The following THBS4 variants were observed in gnomAD, a reference collection of about 807,000 sequenced individuals.
The protein encoded by THBS4 is thrombospondin-4.
In THBS4, 90 loss-of-function variants were observed where a neutral mutation model predicts 115.7. The ratio of observed to expected loss-of-function variants is 0.78; its 90% confidence interval spans 0.66 to 0.93. The LOEUF (loss-of-function observed/expected upper bound fraction) is 0.93, where lower values mean the gene tolerates loss of function less well. Among genes scored for constraint, THBS4 ranks in the 40% least tolerant of loss-of-function variants. The probability of loss-of-function intolerance (pLI) is 0.00; values close to 1 mark genes in which losing one functional copy is unlikely to be tolerated. For missense variants in THBS4, 1,087 were observed against 1,232.7 expected, an observed-to-expected ratio of 0.88 and a Z score of 1.77; for synonymous variants, 460 against 479.3, an observed-to-expected ratio of 0.96 and a Z score of 0.53.
chr5:80,051,420 T>C (rs1440841792), intron 2 of THBS4, among the ~76,000 whole-genome samples: 1 of 152,180 alleles, frequency 6.6e-6, no homozygotes, highest in Non-Finnish European at 1.5e-5. Flanking sequence ...GAGTATTGGA[T>C]CAAGTGTGAA....
intron 2 of THBS4, among the ~76,000 whole-genome samples, 167 bp downstream of exon 2, chr5:80,040,447 C>CGGG (rs60660392): frequency 1.2e-5 from 1 of 85,994 alleles, no homozygotes. Context: ...CCTATATTGG[C>CGGG]GGGGGGGTGG....
At chr5:80,075,257 C>G (rs1311320903) in intron 15 of THBS4, 1 of 152,166 alleles carries the variant, frequency 6.6e-6, no homozygotes, top group Non-Finnish European at 1.5e-5. Context: ...ACTGTACTAG[C>G]TAAGTGAACT....
At chr5:79,995,050 A>G (rs976463142) in intron 1 of THBS4, among the ~76,000 whole-genome samples, 1 of 152,254 alleles carries the variant, frequency 6.6e-6, no homozygotes, top group Non-Finnish European at 1.5e-5. Flanking sequence ...GACTATGGCA[A>G]GGAATCTGAA....
At position 80,061,676 on chromosome 5, in the gene THBS4, T is replaced by A. The variant is rs777301208; in HGVS notation, c.988-19T>A. On this transcript the variant is annotated intron_variant, in intron 7 of 21. Transcript: ENST00000350881. ...GTTTTCTCGGTGTGGCTAAAGACTT[T>A]GAACTTTTTTGTCTCCAGTGCAAAT... 1.3e-6 allele frequency: 2 copies of A among 1,596,070 alleles called. No homozygotes were observed. Among genetic ancestry groups the A allele is most frequent in the Non-Finnish European group, 1.7e-6 (2 of 1,168,972 alleles).
intron 1 of THBS4, among the ~76,000 whole-genome samples, chr5:80,038,186 G>A (rs1263853091): frequency 6.6e-6 from 1 of 152,050 alleles, no homozygotes; most frequent in African/African-American, 2.4e-5. Context: ...AAGAAAAGAG[G>A]AAATTTAAAA....
chr5:80,080,221 G>T (rs1261278572), intron 20 of THBS4, 144 bp downstream of exon 20: 12 of 995,116 alleles, frequency 1.2e-5, no homozygotes, highest in Non-Finnish European at 1.6e-5. Flanking sequence ...GCAGGATGGG[G>T]AACCTAGAAA....
At chr5:80,037,280 A>G (rs1375904951) in intron 1 of THBS4, among the ~76,000 whole-genome samples, 2 of 152,148 alleles carry the variant, frequency 1.3e-5, no homozygotes, top group African/African-American at 4.8e-5. Context: ...GTTGCTGTAG[A>G]TGATCTGATT....
chr5:80,065,934 T>C (rs1561319902), intron 9 of THBS4, among the ~76,000 whole-genome samples: 1 of 151,908 alleles, frequency 6.6e-6, no homozygotes, highest in Non-Finnish European at 1.5e-5. Context: ...CTACTAAAAA[T>C]AGAAAACAAA....
chr5:80,036,407 T>C (rs567157680), intron 1 of THBS4, among the ~76,000 whole-genome samples: 3 of 152,160 alleles, frequency 2.0e-5, no homozygotes, highest in Admixed American at 6.5e-5. Flanking sequence ...AAACTACCAA[T>C]TGGGTACTAC....
At position 80,070,773 on chromosome 5, in the gene THBS4, C is replaced by G. The variant is rs574204150; in HGVS notation, c.1560+23C>G. On this transcript the variant is annotated intron_variant, in intron 12 of 21. Transcript: ENST00000350881. ...CAGGTACCTGCTTCGCTGGGAGGGCCTGTGAATTGCCACGTACCAGGGATG... is the reference window on the plus strand; with the variant it reads ...CAGGTACCTGCTTCGCTGGGAGGGCGTGTGAATTGCCACGTACCAGGGATG... The G allele has an allele frequency of 2.5e-6, 4 of 1,608,912 alleles. No individual in the cohort carries two copies. The African/African-American group carries it at 5.3e-5, about 21-fold the overall frequency.
At chr5:79,996,931 A>G (rs1488602260) in intron 1 of THBS4, among the ~76,000 whole-genome samples, 2 of 152,180 alleles carry the variant, frequency 1.3e-5, no homozygotes, top group African/African-American at 2.4e-5. Context: ...TAATATACCA[A>G]TAGACTGTGA....
At chr5:80,019,556 T>A (rs1398133555) in intron 2 of THBS4, 1 of 152,258 alleles carries the variant, frequency 6.6e-6, no homozygotes, top group African/African-American at 2.4e-5. Context: ...GGGTAAAGTG[T>A]CCTGTGCTTA....
intron 2 of THBS4, among the ~76,000 whole-genome samples, chr5:80,049,912 A>T (rs1056787153): frequency 6.6e-6 from 1 of 152,226 alleles, no homozygotes; most frequent in African/African-American, 2.4e-5. Context: ...TAAAGTAGGA[A>T]GGGGAGTCAG....
Position 80,058,244 on chromosome 5 carries a change from A to G in THBS4, c.579A>G (p.Ser193=), listed in dbSNP as rs573379741. ...AGCTGAAGCTGGTGGTGAGAGGCTC[A>G]CTGTTCCAGGTGGCCAGCCTGCAAG... The part of the protein sequence containing the change: ...LEELKLVVRG[S]LFQVASLQDC... Residue 193 remains serine, a synonymous_variant, in exon 4 of 22, where the codon TCA becomes TCG. Coordinates refer to ENST00000350881, the MANE Select transcript of THBS4 (RefSeq NM_003248.6). 18 of 1,579,146 alleles carry G rather than the reference A, an allele frequency of 1.1e-5. No homozygotes were observed. The highest frequency in any genetic ancestry group is 1.8e-5 in the Admixed American group (1 of 55,742).
chr5:79,998,711 T>C (rs1029063745), intron 2 of THBS4, among the ~76,000 whole-genome samples: 1 of 152,192 alleles, frequency 6.6e-6, no homozygotes, highest in Non-Finnish European at 1.5e-5. Flanking sequence ...CTATACTTAA[T>C]TGAAATTAGA....
At chr5:80,065,305 C>G in intron 8 of THBS4, 104 bp from the exon 9 acceptor site, 1 of 985,782 alleles carries the variant, frequency 1.0e-6, no homozygotes, top group Non-Finnish European at 1.6e-6. Context: ...CCCGAAATTC[C>G]GCATCTTCAC....
Position 80,009,592 on chromosome 5 carries a change from T to C in THBS4, n.177+11165T>C, listed in dbSNP as rs190970295. Among the ~76,000 whole-genome samples, 892 of 151,960 alleles carry C rather than the reference T, an allele frequency of 5.9e-3. 10 individuals are homozygous for C. The highest frequency in any genetic ancestry group is 0.02 in the African/African-American group (844 of 41,416). ...TTTCCAGCATAATCCTGTTTTCCAC[T>C]CAAATTCTTTGTGATTGCCAGATTG... On this transcript the variant is annotated intron_variant and non_coding_transcript_variant, in intron 2 of 3. Coordinates refer to the THBS4 transcript ENST00000510218.
intron 2 of THBS4, among the ~76,000 whole-genome samples, chr5:80,015,777 T>C (rs1389001926): frequency 6.6e-6 from 1 of 152,150 alleles, no homozygotes; most frequent in Non-Finnish European, 1.5e-5. Context: ...GTCTCAGAGA[T>C]GCAGAAACTC....
In THBS4 at chr5:80,071,090, G is replaced by A; in HGVS notation, c.1630G>A (p.Asp544Asn). The change falls in exon 13 of 22, where the codon GAT becomes AAT. Residue 544 changes from aspartate (D) to asparagine (N), a missense_variant. Physicochemically the swap from Asp to Asn is conservative, Grantham distance 23. This residue lies in a region of THBS4 where 979 missense variants were observed against 1,103.7 expected (regional missense o/e 0.89). Transcript: ENST00000350881. ...TAAAGATATCTTTGGGGATGCCTGT[G>A]ATAACTGCCTGAGTGTCTTAAATAA... is the stretch of plus-strand genomic sequence containing the variant. ...SDKDIFGDAC[D>N]NCLSVLNNDQ... 3.1e-6 allele frequency: 5 copies of A among 1,613,100 alleles called. No homozygotes were observed. Among genetic ancestry groups the A allele is most frequent in the Non-Finnish European group, 3.4e-6 (4 of 1,179,814 alleles).
Sources: allele counts gnomAD v4.1 joint callset (sites outside exome capture counted in the v4.1 genomes callset), GRCh38; gene constraint gnomAD v4.1.1; regional missense constraint gnomAD v4.1.1; transcripts MANE v1.5; gene names NCBI Gene and HGNC (gene_info 2026-07-23, HGNC 2026-07-21).